The following DNAJB12 variants were observed in gnomAD, a reference collection of about 807,000 sequenced individuals.
DNAJB12 encodes dnaJ homolog subfamily B member 12.
Under a neutral mutation model 40.6 loss-of-function variants are expected in DNAJB12, and 14 were observed. The observed-to-expected ratio is 0.34, with a 90% CI of 0.23 to 0.54. The LOEUF is 0.54. DNAJB12 is among the 20% of genes least tolerant of loss of function. DNAJB12 has a pLI of 0.92. For missense variants in DNAJB12, 444 were observed against 501.7 expected, an observed-to-expected ratio of 0.89 and a Z score of 1.10; for synonymous variants, 181 against 199.5, an observed-to-expected ratio of 0.91 and a Z score of 0.78.
At chr10:72,352,881 G>C (rs904517162) in intron 1 of DNAJB12, among the ~76,000 whole-genome samples, 27 of 152,168 alleles carry the variant, frequency 1.8e-4, no homozygotes, top group Non-Finnish European at 2.9e-4. Flanking sequence ...TAATATATCT[G>C]TATTACTCCC....
At position 72,338,171 on chromosome 10, in the gene DNAJB12, GCCCATGGCCCGGCCTCA is replaced by G; in HGVS notation, c.833+14_833+30del. On this transcript the variant is annotated intron_variant, in intron 6 of 8. Coordinates refer to ENST00000444643, the MANE Select transcript of DNAJB12 (RefSeq NM_017626.7). Reference sequence around the variant, plus strand: ...GCTGAGAATTTAAAGCCCCTTGTCTGCCCATGGCCCGGCCTCACCCATGTACTCACGGTCTTGGACTC... The same window carrying G: ...GCTGAGAATTTAAAGCCCCTTGTCTGCCCATGTACTCACGGTCTTGGACTC... 6.3e-7 allele frequency: 1 copy of G among 1,586,810 alleles called. No homozygotes were observed. The highest frequency in any genetic ancestry group is 8.7e-7 in the Non-Finnish European group (1 of 1,155,456).
Position 72,335,907 on chromosome 10 carries a change from C to T in DNAJB12, c.1031G>A (p.Arg344His), listed in dbSNP as rs1187765966. Residue 344 changes from arginine to histidine, a missense_variant, in exon 8 of 9, where the codon CGC (arginine) becomes CAC (histidine). Transcript: ENST00000444643. This position sits in a 1 kb window ranked among gnomAD's most constrained non-coding sequence, Gnocchi z 4.4. ...GTACATATCTGTGTCGCCAAAGTAGCGTGCCCGGTACAGCAAGCCTTCCTC... is the reference window on the plus strand; with the variant it reads ...GTACATATCTGTGTCGCCAAAGTAGTGTGCCCGGTACAGCAAGCCTTCCTC... ...QQKEGLLYRA[R>H]YFGDTDMYHR... is the part of the protein sequence containing the mutation. 1.2e-5 allele frequency: 19 copies of T among 1,614,002 alleles called. No homozygotes were observed. The highest frequency in any genetic ancestry group is 1.1e-4 in the East Asian group (5 of 44,886).
chr10:72,346,713 G>A (rs1464353618), intron 1 of DNAJB12, among the ~76,000 whole-genome samples: 2 of 152,038 alleles, frequency 1.3e-5, no homozygotes, highest in Non-Finnish European at 2.9e-5. Context: ...TGCCCACCTC[G>A]GGTTCCCAAA....
At chr10:72,334,667 T>C (rs2131974848) in intron 8 of DNAJB12, 50 bp from the exon 9 acceptor site, 2 of 1,513,356 alleles carry the variant, frequency 1.3e-6, no homozygotes, top group Admixed American at 2.2e-5. Context: ...CGGCACCGGC[T>C]CCTCTAGCTT....
At chr10:72,338,811 A>G (rs964719555) in intron 5 of DNAJB12, among the ~76,000 whole-genome samples, 2 of 152,210 alleles carry the variant, frequency 1.3e-5, no homozygotes, top group Non-Finnish European at 2.9e-5. Flanking sequence ...ACAAAAAATA[A>G]TAATTAAAAC....
At chr10:72,343,617 A>G in intron 2 of DNAJB12, 106 bp from the exon 3 acceptor site, 1 of 1,244,184 alleles carries the variant, frequency 8.0e-7, no homozygotes, top group Non-Finnish European at 1.1e-6. Context: ...GCTGCGGGGG[A>G]CCAACAGGGC....
In DNAJB12 at chr10:72,334,610, T is replaced by A; in HGVS notation, c.*38A>T. Reference sequence around the variant, plus strand: ...ATGTCACCAAAAATTCTCCAGGGATTTCATAGTCTGGGGAGGAGAGTGGCA... The same window carrying A: ...ATGTCACCAAAAATTCTCCAGGGATATCATAGTCTGGGGAGGAGAGTGGCA... On this transcript the variant is annotated 3_prime_UTR_variant, in exon 9 of 9. Coordinates refer to ENST00000444643, the MANE Select transcript of DNAJB12 (RefSeq NM_017626.7). 6.5e-7 allele frequency: 1 copy of A among 1,534,086 alleles called. No individual in the cohort carries two copies. Among genetic ancestry groups the A allele is most frequent in the South Asian group, 1.2e-5 (1 of 83,866 alleles).
chr10:72,354,693 T>G, intron 1 of DNAJB12, 72 bp downstream of exon 1: 1 of 1,269,624 alleles, frequency 7.9e-7, no homozygotes, highest in Non-Finnish European at 1.1e-6. Context: ...CCCCAACTGC[T>G]CCCGTCGGTC....
chr10:72,336,038 G>C, intron 7 of DNAJB12, 107 bp from the exon 8 acceptor site: 1 of 1,428,888 alleles, frequency 7.0e-7, no homozygotes, highest in Non-Finnish European at 9.7e-7. Flanking sequence ...CATGCCCGGG[G>C]CTTGGGCAGG....
chr10:72,354,496 G>C, intron 1 of DNAJB12: 1 of 435,566 alleles, frequency 2.3e-6, no homozygotes, highest in Non-Finnish European at 4.1e-6. Context: ...CTGCCAGCGC[G>C]TTTCATTCTC....
In DNAJB12 at chr10:72,332,998, C is replaced by T. The variant is rs1380968190; in HGVS notation, c.*1650G>A. 3 of 152,634 alleles carry T rather than the reference C, an allele frequency of 2.0e-5. No homozygotes were observed. Among genetic ancestry groups the T allele is most frequent in the Admixed American group, 6.6e-5 (1 of 15,266 alleles). 9.5% of individuals were successfully genotyped at this position (152,634 alleles called of 1,614,324 possible). On this transcript the variant is annotated 3_prime_UTR_variant, in exon 9 of 9. Coordinates refer to ENST00000444643, the MANE Select transcript of DNAJB12 (RefSeq NM_017626.7). ...TGGTCGGGGCGTGGGGGCAGAGCAC[C>T]GGGGCCACAGTGGGTAGGCACTCTG...
intron 1 of DNAJB12, among the ~76,000 whole-genome samples, chr10:72,346,605 G>A (rs1861795083): frequency 6.6e-6 from 1 of 151,948 alleles, no homozygotes; most frequent in Non-Finnish European, 1.5e-5. Flanking sequence ...GATTACAGGT[G>A]TGAGCCACCG....
In DNAJB12 at chr10:72,335,300, G is replaced by A. The variant is rs1589121622; in HGVS notation, c.*30+480C>T. On this transcript the variant is annotated intron_variant, in intron 8 of 8. Transcript: ENST00000444643. This position sits in a 1 kb window ranked among gnomAD's most constrained non-coding sequence, Gnocchi z 4.4. ...AGCTGGAGGGATGGAGAAAGGGGAG[G>A]GCTCTTGGCCCACCTATTCCCACAT... 4 of 987,692 alleles carry A rather than the reference G, an allele frequency of 4.0e-6. No individual in the cohort carries two copies. The highest frequency in any genetic ancestry group is 1.2e-6 in the Non-Finnish European group (1 of 831,272). 61.2% of individuals were successfully genotyped at this position (987,692 alleles called of 1,614,324 possible).
At chr10:72,349,601 C>T (rs1428591149) in intron 1 of DNAJB12, among the ~76,000 whole-genome samples, 1 of 152,172 alleles carries the variant, frequency 6.6e-6, no homozygotes, top group African/African-American at 2.4e-5. Flanking sequence ...GTTCTGGTGG[C>T]CCAGGCTGAG....
At chr10:72,334,906 C>T (rs775622422) in intron 8 of DNAJB12, 17 of 1,259,464 alleles carry the variant, frequency 1.3e-5, no homozygotes, top group Non-Finnish European at 1.4e-5. Flanking sequence ...CCACACTTCT[C>T]TGGGCTTGGC....
intron 5 of DNAJB12, among the ~76,000 whole-genome samples, chr10:72,339,238 CAAA>C (rs10695425): frequency 6.3e-5 from 7 of 111,312 alleles, no homozygotes; most frequent in African/African-American, 7.2e-5. Flanking sequence ...GACCCTGTCT[CAAA>C]AAAAAAAAAA....
chr10:72,352,593 G>A (rs1308789288), intron 1 of DNAJB12, among the ~76,000 whole-genome samples: 1 of 152,090 alleles, frequency 6.6e-6, no homozygotes, highest in African/African-American at 2.4e-5. Flanking sequence ...ATGGATGATG[G>A]GGCCTGATTT....
intron 3 of DNAJB12, among the ~76,000 whole-genome samples, chr10:72,342,199 T>C (rs1292503433): frequency 6.6e-6 from 1 of 152,178 alleles, no homozygotes; most frequent in African/African-American, 2.4e-5. Context: ...CGTTATTTCC[T>C]ATCTGGGCCT....
intron 1 of DNAJB12, among the ~76,000 whole-genome samples, chr10:72,348,545 C>A (rs756071888): frequency 1.3e-5 from 2 of 152,224 alleles, no homozygotes; most frequent in Non-Finnish European, 2.9e-5. Flanking sequence ...CCCACCAGTG[C>A]GACCCACTGA....
Sources: gnomAD v4.1 joint callset for allele counts (sites outside exome capture counted in the v4.1 genomes callset) on GRCh38, gnomAD v4.1.1 for gene constraint, Gnocchi (gnomAD v3.1) non-coding constraint, MANE v1.5 for transcripts, NCBI Gene and HGNC (gene_info 2026-07-23, HGNC 2026-07-21) for gene names.